Variants in CELSR2 observed in about 807,000 individuals in gnomAD.
The protein encoded by CELSR2 is cadherin EGF LAG seven-pass G-type receptor 2.
Under a neutral mutation model 251.6 loss-of-function variants are expected in CELSR2, and 81 were observed. The observed-to-expected ratio is 0.32, with a 90% CI of 0.27 to 0.39. The LOEUF is 0.39. CELSR2 is among the 10% of genes least tolerant of loss of function. The pLI is 1.00. For missense variants in CELSR2, 3,365 were observed against 3,947.7 expected, an observed-to-expected ratio of 0.85 and a Z score of 3.96; for synonymous variants, 1,721 against 1,670.5, an observed-to-expected ratio of 1.03 and a Z score of -0.74.
In CELSR2 at chr1:109,262,443, A is replaced by C. The variant is rs1321368638; in HGVS notation, c.4543A>C (p.Lys1515Gln). 3 of 1,613,496 alleles carry C rather than the reference A, an allele frequency of 1.9e-6. No homozygotes were observed. Among genetic ancestry groups the C allele is most frequent in the Non-Finnish European group, 2.5e-6 (3 of 1,179,958 alleles). ...CCAGGGCACCCAGGGTGGCAGCAAG[A>C]AGTGAGCAGGGGAAAGGGCCAGGGA... ...AAQGTQGGSK[K>Q]SLDLTGPLLL... Residue 1515 changes from lysine to glutamine, a missense_variant and splice_region_variant, in exon 6 of 34, where the codon AAG becomes CAG. Around this residue, in one of 5 missense-constraint regions of CELSR2, gnomAD observed 2,093 missense variants for 2,382.8 expected, o/e 0.88. Coordinates refer to ENST00000271332, the MANE Select transcript of CELSR2 (RefSeq NM_001408.3).
Position 109,250,590 on chromosome 1 carries a change from C to T in CELSR2, c.511C>T (p.Arg171Trp), listed in dbSNP as rs774715293. The T allele has an allele frequency of 9.3e-6, 15 of 1,613,886 alleles. No homozygotes were observed. The highest frequency in any genetic ancestry group is 5.5e-5 in the South Asian group (5 of 91,086). ...ACCAGAAGAGTCCCTGGGTGGGCGT[C>T]GGAAAAGGAATGTAAATACAGCCCC... ...RSPEESLGGR[R>W]KRNVNTAPQF... Residue 171 changes from arginine to tryptophan, a missense_variant, in exon 1 of 34, where the codon CGG (arginine) becomes TGG (tryptophan). Physicochemically the swap from Arg to Trp is moderately radical, Grantham distance 101 (BLOSUM62 -3). Transcript: ENST00000271332. This position sits in a 1 kb window ranked among gnomAD's most constrained non-coding sequence, Gnocchi z 4.4.
intron 15 of CELSR2, among the ~76,000 whole-genome samples, chr1:109,267,070 G>T (rs1324602453): frequency 6.6e-6 from 1 of 152,078 alleles, no homozygotes; most frequent in Non-Finnish European, 1.5e-5. Context: ...ACTGTGCTTG[G>T]CATAGGGCTG....
At chr1:109,265,692 A>G in intron 13 of CELSR2, 43 bp from the exon 14 acceptor site, 2 of 1,583,606 alleles carry the variant, frequency 1.3e-6, no homozygotes, top group Non-Finnish European at 1.7e-6. Context: ...GCATCCTGGG[A>G]AGAGAGCCTG....
intron 14 of CELSR2, 28 bp downstream of exon 14, chr1:109,265,946 C>T: frequency 6.2e-7 from 1 of 1,604,006 alleles, no homozygotes; most frequent in Non-Finnish European, 8.5e-7. Context: ...GGTGGGCAGC[C>T]CTCCTTACAG....
Position 109,273,534 on chromosome 1 carries a change from G to A in CELSR2, c.8608G>A (p.Ala2870Thr), listed in dbSNP as rs776378057. The change falls in exon 33 of 34, where the codon GCT (alanine) becomes ACT (threonine). Residue 2870 changes from alanine to threonine, a missense_variant. Physicochemically the swap from Ala to Thr is moderately conservative, Grantham distance 58. This residue lies in a region of CELSR2 where 2,093 missense variants were observed against 2,382.8 expected (regional missense o/e 0.88). Coordinates refer to ENST00000271332, the MANE Select transcript of CELSR2 (RefSeq NM_001408.3). ...QCTGSSRGSS[A>T]SEGSRGGPPP... ...CACAGGGTCTTCCCGGGGCTCCTCC[G>A]CTAGTGAGGGCAGCCGGGGAGGCCC... 22 of 1,592,682 alleles carry A rather than the reference G, an allele frequency of 1.4e-5. No individual in the cohort carries two copies. The highest frequency in any genetic ancestry group is 6.8e-5 in the South Asian group (6 of 88,374).
intron 1 of CELSR2, among the ~76,000 whole-genome samples, chr1:109,255,560 C>T (rs546963379): frequency 7.9e-4 from 120 of 152,358 alleles, no homozygotes; most frequent in African/African-American, 2.8e-3. Flanking sequence ...GCCCTCTTGG[C>T]CTCCAGTCTC....
At position 109,274,145 on chromosome 1, in the gene CELSR2, C is replaced by T; in HGVS notation, c.*96C>T. On this transcript the variant is annotated 3_prime_UTR_variant, in exon 34 of 34. Coordinates refer to ENST00000271332, the MANE Select transcript of CELSR2 (RefSeq NM_001408.3). ...TTGTGCTTTATCCTGCCCCGCTCCCCATCGCCTGCCCGCAGCAGCGACGAA... is the reference window on the plus strand; with the variant it reads ...TTGTGCTTTATCCTGCCCCGCTCCCTATCGCCTGCCCGCAGCAGCGACGAA... 6.2e-7 allele frequency: 1 copy of T among 1,606,310 alleles called. No homozygotes were observed. The highest frequency in any genetic ancestry group is 2.2e-5 in the East Asian group (1 of 44,746).
Position 109,264,443 on chromosome 1 carries a change from G to C in CELSR2, c.5290-11G>C. 1.2e-6 allele frequency: 2 copies of C among 1,607,466 alleles called. No individual in the cohort carries two copies. The highest frequency in any genetic ancestry group is 8.5e-7 in the Non-Finnish European group (1 of 1,174,878). ...CTCCACTGAGGGCAACACTGCTCCT[G>C]TCCCTCCCAGGGTGTGCGGGTGAGC... On this transcript the variant is annotated splice_polypyrimidine_tract_variant and intron_variant, in intron 10 of 33. Transcript: ENST00000271332.
chr1:109,251,921 G>A lies in CELSR2; in HGVS notation c.1842G>A (p.Glu614=), dbSNP rs754630046. 6.2e-7 allele frequency: 1 copy of A among 1,614,162 alleles called. No homozygotes were observed. ...ACAATCCAACCTTTACCCAACCAGA[G>A]TACACAGTGCGGCTCAATGAGGATG... is the stretch of plus-strand genomic sequence containing the variant. ...NDNNPTFTQP[E]YTVRLNEDAA... is the part of the protein sequence containing the mutation. Residue 614 remains glutamate, a synonymous_variant, in exon 1 of 34, where the codon GAG becomes GAA. Transcript: ENST00000271332. The surrounding 1 kb of genome is among the most constrained non-coding windows in gnomAD (Gnocchi z 4.9).
rs776520261 is a variant in CELSR2, at chr1:109,269,172, C to T, written c.6694C>T (p.Arg2232Trp). Residue 2232 changes from arginine (R) to tryptophan (W), a missense_variant, in exon 20 of 34, where the codon CGG becomes TGG. By Grantham distance (101) the Arg-to-Trp change is moderately radical. Around this residue, in one of 5 missense-constraint regions of CELSR2, gnomAD observed 2,093 missense variants for 2,382.8 expected, o/e 0.88. Transcript: ENST00000271332. The surrounding 1 kb of genome is among the most constrained non-coding windows in gnomAD (Gnocchi z 6.4). Reference sequence around the variant, plus strand: ...GGCCCAGGAGCCAGAGGAGCTGGCACGGCGACAGCGACGGCACCCGGAGCT... The same window carrying T: ...GGCCCAGGAGCCAGAGGAGCTGGCATGGCGACAGCGACGGCACCCGGAGCT... ...GEAQEPEELA[R>W]RQRRHPELSQ... The T allele has an allele frequency of 5.0e-6, 8 of 1,611,958 alleles. No individual in the cohort carries two copies. The highest frequency in any genetic ancestry group is 2.2e-5 in the East Asian group (1 of 44,872).
intron 33 of CELSR2, 69 bp downstream of exon 33, chr1:109,273,739 T>A: frequency 8.0e-7 from 1 of 1,244,188 alleles, no homozygotes. Flanking sequence ...CAGAGCTGCC[T>A]CCGGGCCTCC....
In CELSR2 at chr1:109,270,548, C is replaced by G. The variant is rs772423624; in HGVS notation, c.7431C>G (p.Gly2477=). The G allele has an allele frequency of 4.3e-6, 7 of 1,614,084 alleles. No homozygotes were observed. The African/African-American group carries it at 5.3e-5, about 12-fold the overall frequency. Residue 2477 remains glycine, a synonymous_variant, in exon 24 of 34, where the codon GGC becomes GGG. Transcript: ENST00000271332. ...ALTEVRDVNT[G]PMRFYYMLGW... ...CTGAGGTGCGCGATGTCAACACCGG[C>G]CCCATGCGCTTCTACTACATGCTGG... is the stretch of plus-strand genomic sequence containing the variant.
At position 109,262,341 on chromosome 1, in the gene CELSR2, G is replaced by C. The variant is rs1229111871; in HGVS notation, c.4441G>C (p.Val1481Leu). The C allele has an allele frequency of 6.2e-7, 1 of 1,614,074 alleles. No individual in the cohort carries two copies. The highest frequency in any genetic ancestry group is 1.3e-5 in the African/African-American group (1 of 74,932). Residue 1481 changes from valine (V) to leucine (L), a missense_variant, in exon 6 of 34, where the codon GTG becomes CTG. By Grantham distance (32) the Val-to-Leu change is conservative. Around this residue, in one of 5 missense-constraint regions of CELSR2, gnomAD observed 2,093 missense variants for 2,382.8 expected, o/e 0.88. Coordinates refer to ENST00000271332, the MANE Select transcript of CELSR2 (RefSeq NM_001408.3). Reference protein sequence around the residue: ...PQGPSEQKVAVVTVDGCDTGV... With the variant: ...PQGPSEQKVALVTVDGCDTGV... Reference sequence around the variant, plus strand: ...GGGCCCATCAGAGCAGAAGGTGGCTGTGGTGACCGTGGATGGCTGTGACAC... The same window carrying C: ...GGGCCCATCAGAGCAGAAGGTGGCTCTGGTGACCGTGGATGGCTGTGACAC...
chr1:109,268,943 C>T lies in CELSR2; in HGVS notation c.6566C>T (p.Ala2189Val), dbSNP rs1656285610. 1 of 1,613,578 alleles carries T rather than the reference C, an allele frequency of 6.2e-7. No individual in the cohort carries two copies. The highest frequency in any genetic ancestry group is 8.5e-7 in the Non-Finnish European group (1 of 1,179,654). Residue 2189 changes from alanine to valine, a missense_variant, in exon 19 of 34, where the codon GCC becomes GTC. Ala to Val is a moderately conservative substitution (Grantham distance 64). This residue lies in a region of CELSR2 where 2,093 missense variants were observed against 2,382.8 expected (regional missense o/e 0.88). Transcript: ENST00000271332. ...GGGGCCAAGCTGCCCCGCTACGAGG[C>T]CCTGCGTGGGGAGCAGCCCCCGGAC... ...FAGAKLPRYEALRGEQPPDLE... is the reference protein window; with the variant it reads ...FAGAKLPRYEVLRGEQPPDLE...
Position 109,258,705 on chromosome 1 carries a change from G to T in CELSR2, c.3584G>T (p.Gly1195Val), listed in dbSNP as rs1655932456. The change falls in exon 2 of 34, where the codon GGC becomes GTC. Residue 1195 changes from glycine (G) to valine (V), a missense_variant. Gly to Val is a moderately radical substitution (Grantham distance 109). Transcript: ENST00000271332. Reference protein sequence around the residue: ...LSVGQPPGPGGGPPFLPSEDL... With the variant: ...LSVGQPPGPGVGPPFLPSEDL... ...GTGGGCCAGCCGCCAGGGCCCGGGG[G>T]CGGGCCGCCCTTCCTGCCCTCTGAG... is the stretch of plus-strand genomic sequence containing the variant. 14 of 1,551,088 alleles carry T rather than the reference G, an allele frequency of 9.0e-6. No homozygotes were observed. The highest frequency in any genetic ancestry group is 1.2e-5 in the Non-Finnish European group (14 of 1,147,030).
intron 13 of CELSR2, 133 bp from the exon 14 acceptor site, chr1:109,265,602 A>G: frequency 9.1e-7 from 1 of 1,094,344 alleles, no homozygotes; most frequent in Admixed American, 2.7e-5. Context: ...TGCTAGTGTT[A>G]ATTATTTTGA....
chr1:109,254,118 G>A (rs1285188829), intron 1 of CELSR2, among the ~76,000 whole-genome samples: 1 of 152,226 alleles, frequency 6.6e-6, no homozygotes, highest in Non-Finnish European at 1.5e-5. Flanking sequence ...TGAAGCTGGG[G>A]GGCAGGCTGA....
chr1:109,263,854 C>A, intron 9 of CELSR2, 77 bp downstream of exon 9: 1 of 1,536,680 alleles, frequency 6.5e-7, no homozygotes, highest in Admixed American at 1.9e-5. Flanking sequence ...ACAGAAGTGG[C>A]TGGGCAGGTC....
chr1:109,270,222 A>T, intron 23 of CELSR2, 89 bp downstream of exon 23: 2 of 1,424,792 alleles, frequency 1.4e-6, no homozygotes, highest in Non-Finnish European at 2.0e-6. Flanking sequence ...CTGCACCATG[A>T]ACTCTAATAA....
Sources: gnomAD v4.1 joint callset for allele counts (sites outside exome capture counted in the v4.1 genomes callset) on GRCh38, gnomAD v4.1.1 for gene constraint, gnomAD v4.1.1 regional missense constraint, Gnocchi (gnomAD v3.1) non-coding constraint, MANE v1.5 for transcripts, NCBI Gene and HGNC (gene_info 2026-07-23, HGNC 2026-07-21) for gene names.